HTT: variants seen among roughly 807,000 people sequenced by gnomAD.
The protein encoded by HTT is huntingtin, also known as huntington disease protein.
A neutral mutation model predicts 362.3 loss-of-function variants in HTT; 104 were observed. The observed-to-expected ratio is 0.29, with a 90% CI of 0.24 to 0.34. The LOEUF is 0.34. HTT is among the 10% of genes least tolerant of loss of function. The probability of loss-of-function intolerance (pLI) is 1.00; values close to 1 mark genes in which losing one functional copy is unlikely to be tolerated. For synonymous variants in HTT, 1,577 were observed against 1,548.7 expected (o/e 1.02, Z -0.43); for missense variants, 3,301 against 3,928.6 (o/e 0.84, Z 4.27).
Position 3,235,347 on chromosome 4 carries a change from T to A in HTT, c.8520T>A (p.Ile2840=), listed in dbSNP as rs201724113. Residue 2840 remains isoleucine (I), a synonymous_variant, in exon 62 of 67, where the codon ATT becomes ATA. Transcript: ENST00000355072. ...TGTGTGCCACTGCGTTTTACCTCATTGAGAACTATCCTCTGGACGTAGGGC... is the reference window on the plus strand; with the variant it reads ...TGTGTGCCACTGCGTTTTACCTCATAGAGAACTATCCTCTGGACGTAGGGC... ...LVMCATAFYL[I]ENYPLDVGPE... is the part of the protein sequence containing the mutation. 1,148 of 1,614,042 alleles carry A rather than the reference T, an allele frequency of 7.1e-4. 15 individuals are homozygous for A. The highest frequency in any genetic ancestry group is 7.1e-3 in the South Asian group (646 of 91,088).
intron 53 of HTT, among the ~76,000 whole-genome samples, chr4:3,221,856 A>G (rs752756394): frequency 1.6e-4 from 24 of 152,226 alleles, no homozygotes; most frequent in Non-Finnish European, 2.9e-4. Flanking sequence ...GGTCAGAGGA[A>G]CCATTACTTT....
Position 3,206,710 on chromosome 4 carries a change from A to C in HTT, c.5898+35A>C, listed in dbSNP as rs746087672. 6 of 1,596,770 alleles carry C rather than the reference A, an allele frequency of 3.8e-6. No individual in the cohort carries two copies. The highest frequency in any genetic ancestry group is 1.7e-5 in the Admixed American group (1 of 58,828). On this transcript the variant is annotated intron_variant, in intron 43 of 66. Transcript: ENST00000355072. This position sits in a 1 kb window ranked among gnomAD's most constrained non-coding sequence, Gnocchi z 4.6. ...CATCCTGCCGACTATTGCCAGTTGC[A>C]GTTTTCCCTGCCTTAAAAATGGAGT...
In HTT at chr4:3,235,555, C is replaced by T. The variant is rs748869756; in HGVS notation, c.8572-10C>T. On this transcript the variant is annotated splice_polypyrimidine_tract_variant and intron_variant, in intron 62 of 66. Coordinates refer to ENST00000355072, the MANE Select transcript of HTT (RefSeq NM_001388492.1). ...GATTCTTTGACACAGAGGCCTTTCT[C>T]CCTGTGCAGATGTGTGGGGTGATGC... 13 of 1,613,180 alleles carry T rather than the reference C, an allele frequency of 8.1e-6. No individual in the cohort carries two copies. The highest frequency in any genetic ancestry group is 1.6e-4 in the Middle Eastern group (1 of 6,062).
intron 10 of HTT, among the ~76,000 whole-genome samples, chr4:3,124,259 C>G (rs1367056687): frequency 6.6e-6 from 1 of 152,168 alleles, no homozygotes; most frequent in Non-Finnish European, 1.5e-5. Context: ...GTCGCTTTTT[C>G]CAGTGGCGGT....
chr4:3,106,630 C>A (rs1714441439), intron 5 of HTT, among the ~76,000 whole-genome samples: 1 of 152,128 alleles, frequency 6.6e-6, no homozygotes, highest in African/African-American at 2.4e-5. Context: ...CCTCAGACAC[C>A]CTGCATTGAC....
intron 5 of HTT, 94 bp downstream of exon 5, chr4:3,105,530 C>A: frequency 1.2e-6 from 1 of 853,218 alleles, no homozygotes; most frequent in South Asian, 1.4e-5. Context: ...AAAGTCTGCT[C>A]TGCCCTCTCC....
At chr4:3,164,374 A>G (rs771555491) in intron 29 of HTT, among the ~76,000 whole-genome samples, 2 of 152,168 alleles carry the variant, frequency 1.3e-5, no homozygotes, top group African/African-American at 4.8e-5. Flanking sequence ...AATAAGTGCA[A>G]TGTGGTGCTG....
At chr4:3,103,091 C>T (rs1432866349) in intron 3 of HTT, among the ~76,000 whole-genome samples, 3 of 151,928 alleles carry the variant, frequency 2.0e-5, no homozygotes, top group East Asian at 1.9e-4. Flanking sequence ...CCACAGTGCT[C>T]GGGACCCTGC....
intron 1 of HTT, among the ~76,000 whole-genome samples, chr4:3,082,116 T>G (rs1420625303): frequency 6.6e-6 from 1 of 152,232 alleles, no homozygotes; most frequent in Admixed American, 6.5e-5. Flanking sequence ...ACATTACATA[T>G]GTATTTTTTT....
rs571238648 is a variant in HTT, at chr4:3,218,024, G to A, written c.7242+72G>A. On this transcript the variant is annotated intron_variant, in intron 52 of 66. Transcript: ENST00000355072. This position sits in a 1 kb window ranked among gnomAD's most constrained non-coding sequence, Gnocchi z 4.4. ...CCGGTAGGCCCTGGGCTGGGCACAC[G>A]TGAGAGGGCGGGACAGAATCCCCGC... 8 of 1,320,970 alleles carry A rather than the reference G, an allele frequency of 6.1e-6. No individual in the cohort carries two copies. In the African/African-American group the frequency reaches 7.3e-5, roughly 12 times the overall value. The allele number at this position is 1,320,970 out of a possible 1,614,324, so 81.8% of individuals were successfully genotyped here.
chr4:3,213,976 A>C lies in HTT; in HGVS notation c.6793A>C (p.Ile2265Leu). The change falls in exon 50 of 67, where the codon ATC becomes CTC. Residue 2265 changes from isoleucine (I) to leucine (L), a missense_variant. Physicochemically the swap from Ile to Leu is conservative, Grantham distance 5. Around this residue, in one of 4 missense-constraint regions of HTT, gnomAD observed 220 missense variants for 218.5 expected, o/e 1.01. Transcript: ENST00000355072. ...CCTTTAGGCCCTGTCCTGGCATTTG[A>C]TCCATGAGCAGATCCCGCTGAGTCT... ...ATLEALSWHL[I>L]HEQIPLSLDL... is the part of the protein sequence containing the mutation. 1 of 1,576,950 alleles carries C rather than the reference A, an allele frequency of 6.3e-7. No individual in the cohort carries two copies. Among genetic ancestry groups the C allele is most frequent in the Non-Finnish European group, 8.6e-7 (1 of 1,156,890 alleles).
chr4:3,130,218 T>TA (rs1715738027), intron 13 of HTT, 87 bp from the exon 14 acceptor site: 1 of 1,082,742 alleles, frequency 9.2e-7, no homozygotes, highest in Non-Finnish European at 1.3e-6. Context: ...ATCTAAATCT[T>TA]ATACTTTTGA....
In HTT at chr4:3,074,888, GCAGCAGCAGCAGCA is replaced by G. The variant is rs1712389295; in HGVS notation, c.64_77del (p.Gln22AlafsTer56). 5.6e-6 allele frequency: 7 copies of G among 1,259,834 alleles called. No individual in the cohort carries two copies. The highest frequency in any genetic ancestry group is 6.3e-6 in the Non-Finnish European group (6 of 958,472). The allele number at this position is 1,259,834 out of a possible 1,614,324, so 78.0% of individuals were successfully genotyped here. A position where few individuals can be genotyped will look rare whatever the true frequency, so the allele number is the denominator to read the frequency against. On this transcript the variant is annotated frameshift_variant, in exon 1 of 67. Transcript: ENST00000355072. LOFTEE classifies it high-confidence loss of function. ...CCCTCAAGTCCTTCCAGCAGCAGCA[GCAGCAGCAGCAGCA>G]GCAGCAGCAGCAGCAGCAGCAGCAG...
chr4:3,094,288 A>G (rs1052351804), intron 2 of HTT, among the ~76,000 whole-genome samples: 2 of 152,210 alleles, frequency 1.3e-5, no homozygotes, highest in Non-Finnish European at 2.9e-5. Context: ...TTAGTACAGA[A>G]CAAAATGGAG....
chr4:3,210,082 G>A lies in HTT; in HGVS notation c.6414+133G>A. On this transcript the variant is annotated intron_variant, in intron 47 of 66. Transcript: ENST00000355072. The stretch of plus-strand genomic sequence containing the variant: ...ACTCCAGTCTGGGCAGGGACGGGAT[G>A]TCGGAGAGACTCCACTCTGAATGGG... 5.3e-6 allele frequency: 6 copies of A among 1,131,706 alleles called. No individual in the cohort carries two copies. The South Asian group carries it at 5.6e-5, about 11-fold the overall frequency. The allele number at this position is 1,131,706 out of a possible 1,614,324, so 70.1% of individuals were successfully genotyped here.
chr4:3,148,948 C>T (rs1001978480), intron 26 of HTT, among the ~76,000 whole-genome samples: 2 of 152,184 alleles, frequency 1.3e-5, no homozygotes, highest in African/African-American at 4.8e-5. Flanking sequence ...CAGAGTCAGA[C>T]TCTTTCCAAA....
intron 60 of HTT, among the ~76,000 whole-genome samples, chr4:3,230,497 G>T (rs1721199588): frequency 6.6e-6 from 1 of 152,246 alleles, no homozygotes. Flanking sequence ...TTTTGTCACA[G>T]TGACCCTGTG....
chr4:3,191,850 A>G (rs1719026335), intron 40 of HTT, among the ~76,000 whole-genome samples: 1 of 152,224 alleles, frequency 6.6e-6, no homozygotes, highest in Non-Finnish European at 1.5e-5. Flanking sequence ...TCTATAAATC[A>G]TGACAAATTA....
At chr4:3,221,132 G>T (rs1326055002) in intron 53 of HTT, among the ~76,000 whole-genome samples, 2 of 152,130 alleles carry the variant, frequency 1.3e-5, no homozygotes, top group Admixed American at 6.5e-5. Context: ...TCTGGCAGGG[G>T]CACCCTGACT....
Sources: allele counts gnomAD v4.1 joint callset (sites outside exome capture counted in the v4.1 genomes callset), GRCh38; gene constraint gnomAD v4.1.1; regional missense constraint gnomAD v4.1.1; non-coding constraint Gnocchi (gnomAD v3.1); transcripts MANE v1.5; gene names NCBI Gene and HGNC (gene_info 2026-07-23, HGNC 2026-07-21).